The following ROR2 variants were observed in gnomAD, a reference collection of about 807,000 sequenced individuals.
ROR2 encodes the protein ROR family WNT receptor 2.
A neutral mutation model predicts 74.9 loss-of-function variants in ROR2; 33 were observed. The ratio of observed to expected loss-of-function variants is 0.44; its 90% confidence interval spans 0.33 to 0.59. The LOEUF is 0.59. Among genes scored for constraint, ROR2 ranks in the 20% least tolerant of loss-of-function variants. ROR2 has a pLI of 0.02. For missense variants in ROR2, 1,216 were observed against 1,313.8 expected, an observed-to-expected ratio of 0.93 and a Z score of 1.15; for synonymous variants, 586 against 558.7, an observed-to-expected ratio of 1.05 and a Z score of -0.69.
intron 1 of ROR2, among the ~76,000 whole-genome samples, chr9:91,877,166 A>G (rs1395220353): frequency 2.0e-5 from 3 of 152,204 alleles, no homozygotes; most frequent in South Asian, 2.1e-4. Context: ...TACCCAAACT[A>G]TCAAGCACGT....
intron 1 of ROR2, among the ~76,000 whole-genome samples, chr9:91,784,412 C>T (rs1826725816): frequency 6.6e-6 from 1 of 152,194 alleles, no homozygotes; most frequent in Admixed American, 6.5e-5. Context: ...ACCTACAAAA[C>T]ATGGGTGAAG....
At chr9:91,785,520 C>A (rs1215253910) in intron 1 of ROR2, among the ~76,000 whole-genome samples, 1 of 152,252 alleles carries the variant, frequency 6.6e-6, no homozygotes, top group Non-Finnish European at 1.5e-5. Flanking sequence ...GCCCAAGATG[C>A]ACTAGGCACT....
intron 5 of ROR2, among the ~76,000 whole-genome samples, chr9:91,736,002 T>C (rs1825011255): frequency 6.6e-6 from 1 of 152,224 alleles, no homozygotes; most frequent in East Asian, 1.9e-4. Context: ...CTGTAACCTA[T>C]GTCAGTTGTG....
intron 2 of ROR2, among the ~76,000 whole-genome samples, chr9:91,763,169 C>T (rs1015958498): frequency 1.4e-4 from 22 of 152,074 alleles, no homozygotes; most frequent in African/African-American, 5.1e-4. Context: ...CCAGGGCCTA[C>T]GGGAGGACTG....
rs180975287 is a variant in ROR2, at chr9:91,815,099, A to G, written c.98-39281T>C. 2.8e-3 allele frequency among the ~76,000 whole-genome samples: 419 copies of G among 152,326 alleles called. 9 individuals are homozygous for G. The highest frequency in any genetic ancestry group is 0.014 in the Admixed American group (219 of 15,298). On this transcript the variant is annotated intron_variant, in intron 1 of 8. Coordinates refer to ENST00000375708, the MANE Select transcript of ROR2 (RefSeq NM_004560.4). ...TAAGGCAGAACCAGGTAATACAAGT[A>G]ATTTAATTCTTGTAGGGAATTGAGG...
rs187288815 is a variant in ROR2, at chr9:91,780,149, T to G, written c.98-4331A>C. Among the ~76,000 whole-genome samples the G allele has an allele frequency of 3.7e-3, 570 of 152,328 alleles. 2 individuals carry two copies. The highest frequency in any genetic ancestry group is 0.013 in the African/African-American group (540 of 41,574). On this transcript the variant is annotated intron_variant, in intron 1 of 8. Transcript: ENST00000375708. ...GCTCACGCCTGTAATCCCATCACTT[T>G]GGGAGGCCAAGGCGGGTGGATCACG... is the stretch of plus-strand genomic sequence containing the variant.
At chr9:91,840,869 T>C (rs1193066186) in intron 1 of ROR2, among the ~76,000 whole-genome samples, 1 of 152,256 alleles carries the variant, frequency 6.6e-6, no homozygotes, top group African/African-American at 2.4e-5. Flanking sequence ...TCTGTTTCAT[T>C]CTCTAGCCAT....
chr9:91,757,467 G>C lies in ROR2; in HGVS notation c.268C>G (p.Pro90Ala). 1 of 1,613,946 alleles carries C rather than the reference G, an allele frequency of 6.2e-7. No individual in the cohort carries two copies. Among genetic ancestry groups the C allele is most frequent in the East Asian group, 2.2e-5 (1 of 44,864 alleles). Reference sequence around the variant, plus strand: ...TTCTTTAGCCACCGCACGTTAGGGGGTGGGTTTCCTGCCACCTTGCAGTGC... The same window carrying C: ...TTCTTTAGCCACCGCACGTTAGGGGCTGGGTTTCCTGCCACCTTGCAGTGC... ...ILHCKVAGNP[P>A]PNVRWLKNDA... The change falls in exon 3 of 9, where the codon CCC (proline) becomes GCC (alanine). Residue 90 changes from proline to alanine, a missense_variant. Pro to Ala is a conservative substitution (Grantham distance 27, BLOSUM62 -1). Transcript: ENST00000375708.
chr9:91,949,837 C>A, intron 1 of ROR2, 30 bp downstream of exon 1: 1 of 1,392,288 alleles, frequency 7.2e-7, no homozygotes, highest in South Asian at 1.2e-5. Context: ...GAGCTACCGT[C>A]TGCGCACAAG....
chr9:91,868,295 G>T (rs1451133824), intron 1 of ROR2, among the ~76,000 whole-genome samples: 1 of 151,858 alleles, frequency 6.6e-6, no homozygotes. Flanking sequence ...ATTATACAAG[G>T]TGAACAAAAG....
chr9:91,849,370 C>T (rs912712019), intron 1 of ROR2, among the ~76,000 whole-genome samples: 14 of 152,190 alleles, frequency 9.2e-5, no homozygotes, highest in East Asian at 1.9e-4. Context: ...TCTTGACTGG[C>T]GAAAACGCAA....
At chr9:91,935,757 T>C (rs891234663) in intron 1 of ROR2, among the ~76,000 whole-genome samples, 3 of 152,122 alleles carry the variant, frequency 2.0e-5, no homozygotes, top group African/African-American at 7.2e-5. Context: ...GCAGAAATCA[T>C]GTACCCCAAG....
At chr9:91,918,278 A>AAGAAGT (rs1162077042) in intron 1 of ROR2, among the ~76,000 whole-genome samples, 1 of 149,628 alleles carries the variant, frequency 6.7e-6, no homozygotes, top group Non-Finnish European at 1.5e-5. Flanking sequence ...AAAAAAAAAA[A>AAGAAGT]AGAAGTTGTT....
rs747072020 is a variant in ROR2 at position 91,724,718 on chromosome 9, G to A, written c.1776C>T (p.Phe592=). The change falls in exon 9 of 9, where the codon TTC becomes TTT. Residue 592 remains phenylalanine (F), a synonymous_variant. Transcript: ENST00000375708. ...CCGCGATCTGTGCCACAAGGTGCACGAAGTCGGGGGGCTCCAGGGCGGACT... is the reference window on the plus strand; with the variant it reads ...CCGCGATCTGTGCCACAAGGTGCACAAAGTCGGGGGGCTCCAGGGCGGACT... ...TVKSALEPPD[F]VHLVAQIAAG... is the part of the protein sequence containing the mutation. 2.0e-5 allele frequency: 33 copies of A among 1,614,048 alleles called. No individual in the cohort carries two copies. Among genetic ancestry groups the A allele is most frequent in the South Asian group, 4.4e-5 (4 of 91,088 alleles).
intron 1 of ROR2, among the ~76,000 whole-genome samples, chr9:91,914,295 T>C (rs1007099004): frequency 6.6e-6 from 1 of 152,104 alleles, no homozygotes; most frequent in Non-Finnish European, 1.5e-5. Flanking sequence ...AGTTTAAACC[T>C]CCAGGAGGCC....
chr9:91,764,624 C>T (rs904033354), intron 2 of ROR2, among the ~76,000 whole-genome samples: 1 of 151,922 alleles, frequency 6.6e-6, no homozygotes, highest in Non-Finnish European at 1.5e-5. Context: ...CTTAGATACA[C>T]TCTGATTTTA....
intron 1 of ROR2, among the ~76,000 whole-genome samples, chr9:91,831,681 AG>A (rs1828468512): frequency 7.1e-6 from 1 of 141,128 alleles, no homozygotes; most frequent in East Asian, 2.4e-4. Flanking sequence ...AGGCTGAGGC[AG>A]GAGAATCCTA....
At chr9:91,842,548 C>A (rs1304423429) in intron 1 of ROR2, among the ~76,000 whole-genome samples, 2 of 152,262 alleles carry the variant, frequency 1.3e-5, no homozygotes, top group Non-Finnish European at 2.9e-5. Context: ...GGCATGGGCA[C>A]TCTCCACCAA....
chr9:91,736,007 G>A (rs7872833), intron 5 of ROR2, among the ~76,000 whole-genome samples: 3,236 of 152,290 alleles, frequency 0.021, 118 homozygotes, highest in African/African-American at 0.073. Context: ...ACCTATGTCA[G>A]TTGTGTGAAA....
Sources: gnomAD v4.1 joint callset for allele counts (sites outside exome capture counted in the v4.1 genomes callset) on GRCh38, gnomAD v4.1.1 for gene constraint, MANE v1.5 for transcripts, NCBI Gene and HGNC (gene_info 2026-07-23, HGNC 2026-07-21) for gene names.